COL4A3: variants seen among roughly 807,000 people sequenced by gnomAD.
The protein encoded by COL4A3 is collagen type IV alpha 3 chain.
A neutral mutation model predicts 217.4 loss-of-function variants in COL4A3; 135 were observed. The ratio of observed to expected loss-of-function variants is 0.62; its 90% CI spans 0.54 to 0.72. The LOEUF is 0.72. Ranked by LOEUF, COL4A3 falls within the 30% of genes least tolerant of loss-of-function variation. The pLI is 0.00. For synonymous variants in COL4A3, 690 were observed against 736.3 expected, an observed-to-expected ratio of 0.94 and a Z score of 1.02; for missense variants, 1,868 against 2,119.9, an observed-to-expected ratio of 0.88 and a Z score of 2.33.
intron 19 of COL4A3, 43 bp from the exon 20 acceptor site, chr2:227,261,039 T>A: frequency 3.2e-6 from 5 of 1,544,384 alleles, no homozygotes; most frequent in Non-Finnish European, 4.5e-6. Context: ...TGGGACAGCA[T>A]TTATATCTTT....
chr2:227,229,397 T>C (rs1418859688), intron 1 of COL4A3, among the ~76,000 whole-genome samples: 2 of 152,244 alleles, frequency 1.3e-5, no homozygotes, highest in Non-Finnish European at 2.9e-5. Flanking sequence ...ACTCTAATAA[T>C]ACTATTAACA....
At chr2:227,293,369 G>T (rs779575831) in intron 38 of COL4A3, 52 bp downstream of exon 38, 1 of 1,590,764 alleles carries the variant, frequency 6.3e-7, no homozygotes, top group Admixed American at 1.7e-5. Flanking sequence ...TCAGAGTATA[G>T]CCCTCCTGAA....
At chr2:227,272,897 G>T (rs560237237) in intron 25 of COL4A3, 52 bp from the exon 26 acceptor site, 45 of 1,580,422 alleles carry the variant, frequency 2.8e-5, no homozygotes, top group South Asian at 2.0e-4. Context: ...TTAACCTGTT[G>T]TAAGAATATA....
At chr2:227,188,534 A>C (rs2066116612) in intron 1 of COL4A3, among the ~76,000 whole-genome samples, 1 of 151,982 alleles carries the variant, frequency 6.6e-6, no homozygotes, top group Non-Finnish European at 1.5e-5. Context: ...GAGTTACAGC[A>C]GTTTGCTTAG....
chr2:227,304,114 C>A lies in COL4A3; in HGVS notation c.4123C>A (p.Pro1375Thr). ...TPGEPGMQGE[P>T]GPPGPPGNLG... Reference sequence around the variant, plus strand: ...TGGAGAACCAGGGATGCAGGGAGAACCTGGGCCACCAGGGCCACCTGGAAA... The same window carrying A: ...TGGAGAACCAGGGATGCAGGGAGAAACTGGGCCACCAGGGCCACCTGGAAA... The change falls in exon 46 of 52, where the codon CCT becomes ACT. Residue 1375 changes from proline to threonine, a missense_variant. Physicochemically the swap from Pro to Thr is conservative, Grantham distance 38. This residue lies in a region of COL4A3 where 1,503 missense variants were observed against 1,786.1 expected (regional missense o/e 0.84). Transcript: ENST00000396578. 1 of 1,614,140 alleles carries A rather than the reference C, an allele frequency of 6.2e-7. No homozygotes were observed. The highest frequency in any genetic ancestry group is 8.5e-7 in the Non-Finnish European group (1 of 1,180,008).
At chr2:227,206,080 AT>A (rs1005908871) in intron 1 of COL4A3, among the ~76,000 whole-genome samples, 4 of 149,726 alleles carry the variant, frequency 2.7e-5, no homozygotes, top group Admixed American at 1.3e-4. Context: ...CCCCCAGGTG[AT>A]TTTTTTTTTC....
intron 1 of COL4A3, among the ~76,000 whole-genome samples, chr2:227,170,770 T>C (rs1043541357): frequency 5.9e-5 from 9 of 152,086 alleles, no homozygotes; most frequent in African/African-American, 2.2e-4. Context: ...TTTTATTAAG[T>C]ATGATTTTTT....
Position 227,251,345 on chromosome 2 carries a change from G to C in COL4A3, c.619G>C (p.Gly207Arg). The change falls in exon 11 of 52, where the codon GGA (glycine) becomes CGA (arginine). Residue 207 changes from glycine to arginine, a missense_variant. Transcript: ENST00000396578. ...PGPPGFFGFP[G>R]AMGPRGPKGH... ...TTGTGGATTTTTCTAGGGCTTTCCA[G>C]GAGCCATGGGACCTAGAGGACCTAA... 6.2e-7 allele frequency: 1 copy of C among 1,613,212 alleles called. No individual in the cohort carries two copies. The highest frequency in any genetic ancestry group is 8.5e-7 in the Non-Finnish European group (1 of 1,179,922).
At chr2:227,270,103 T>C in intron 24 of COL4A3, 123 bp downstream of exon 24, 1 of 720,236 alleles carries the variant, frequency 1.4e-6, no homozygotes, top group South Asian at 1.5e-5. Context: ...TAGATACCTG[T>C]TGATTAAATG....
intron 1 of COL4A3, chr2:227,227,909 A>C (rs979155454): frequency 4.5e-5 from 6 of 134,760 alleles, no homozygotes; most frequent in Non-Finnish European, 8.5e-5. Context: ...GGGGGTAAAA[A>C]GAAAAGAAAA....
chr2:227,193,800 G>GGGGA (rs1444272893), intron 1 of COL4A3, among the ~76,000 whole-genome samples: 1 of 63,548 alleles, frequency 1.6e-5, no homozygotes, highest in East Asian at 1.5e-3. Context: ...AAGGAAGGAA[G>GGGGA]GGGAGGGAGG....
At chr2:227,193,755 A>G (rs796643121) in intron 1 of COL4A3, among the ~76,000 whole-genome samples, 2,243 of 8,642 alleles carry the variant, frequency 0.26, 128 homozygotes, top group African/African-American at 0.37. Context: ...GAGGGAAGGA[A>G]GGAAGGAAGG....
At chr2:227,268,343 G>C (rs998950171) in intron 23 of COL4A3, 1 of 152,266 alleles carries the variant, frequency 6.6e-6, no homozygotes, top group Non-Finnish European at 1.5e-5. Flanking sequence ...ATCTAGACGC[G>C]TGCTCTTACC....
At chr2:227,203,358 T>C (rs868178551) in intron 1 of COL4A3, among the ~76,000 whole-genome samples, 6 of 21,480 alleles carry the variant, frequency 2.8e-4, no homozygotes, top group African/African-American at 5.5e-4. Context: ...TATGTGTATA[T>C]ATACATATAT....
intron 36 of COL4A3, among the ~76,000 whole-genome samples, chr2:227,290,499 C>G (rs1340633091): frequency 6.6e-6 from 1 of 151,118 alleles, no homozygotes; most frequent in Non-Finnish European, 1.5e-5. Flanking sequence ...GACTCCATCT[C>G]AAAAAAAACC....
In COL4A3 at chr2:227,164,999, G is replaced by A. The variant is rs2065175569; in HGVS notation, c.87+186G>A. 6.6e-6 allele frequency among the ~76,000 whole-genome samples: 1 copy of A among 152,186 alleles called. No individual in the cohort carries two copies. Among genetic ancestry groups the A allele is most frequent in the Non-Finnish European group, 1.5e-5 (1 of 68,038 alleles). On this transcript the variant is annotated intron_variant, in intron 1 of 51. Transcript: ENST00000396578. The surrounding 1 kb of genome is among the most constrained non-coding windows in gnomAD (Gnocchi z 4.8). ...GGAAGGGAGCAAGCGGGGATGCCCC[G>A]GAACAGGTGGAATGCGCGGGGCTGG...
chr2:227,177,071 A>AT (rs964623798), intron 1 of COL4A3, among the ~76,000 whole-genome samples: 8 of 150,436 alleles, frequency 5.3e-5, no homozygotes, highest in African/African-American at 1.7e-4. Flanking sequence ...TTCCTTCCAG[A>AT]TTTTTTTTTC....
At chr2:227,260,200 AC>A (rs1485460072) in intron 19 of COL4A3, 1 of 467,342 alleles carries the variant, frequency 2.1e-6, no homozygotes, top group East Asian at 4.8e-5. Flanking sequence ...AAAAATGGAG[AC>A]CGCGAACAAA....
rs200536643 is a variant in COL4A3 at position 227,275,169 on chromosome 2, CTGT to C, written c.1928-1190_1928-1188del. Among the ~76,000 whole-genome samples, 17 of 151,214 alleles carry C rather than the reference CTGT, an allele frequency of 1.1e-4. 1 individual carries two copies. Among genetic ancestry groups the C allele is most frequent in the South Asian group, 4.2e-4 (2 of 4,774 alleles). On this transcript the variant is annotated intron_variant, in intron 26 of 51. Transcript: ENST00000396578. ...CTGTTCTAATCCATCACCAAATGCTCTGTTGTTGTTGTTGTTGTTGTTGTTGTT... is the reference window on the plus strand; with the variant it reads ...CTGTTCTAATCCATCACCAAATGCTCTGTTGTTGTTGTTGTTGTTGTTGTT...
Sources: gnomAD v4.1 joint callset for allele counts (sites outside exome capture counted in the v4.1 genomes callset) on GRCh38, gnomAD v4.1.1 for gene constraint, gnomAD v4.1.1 regional missense constraint, Gnocchi (gnomAD v3.1) non-coding constraint, MANE v1.5 for transcripts, NCBI Gene and HGNC (gene_info 2026-07-23, HGNC 2026-07-21) for gene names.